The following SCHIP1 variants were observed in gnomAD, a reference collection of about 807,000 sequenced individuals.
SCHIP1 encodes schwannomin interacting protein 1, also known as schwannomin-interacting protein 1.
SCHIP1 carries 8 observed loss-of-function variants against 29.7 expected under a neutral mutation model. The observed-to-expected ratio is 0.27, with a 90% CI of 0.16 to 0.49. The LOEUF is 0.49. Among genes scored for constraint, SCHIP1 ranks in the 20% least tolerant of loss-of-function variants. The pLI is 0.99. For missense variants in SCHIP1, 193 were observed against 294.6 expected (o/e 0.66, Z 2.52); for synonymous variants, 76 against 94.9 (o/e 0.80, Z 1.16).
intron 5 of SCHIP1, among the ~76,000 whole-genome samples, chr3:159,889,281 T>C (rs1200117593): frequency 2.0e-5 from 3 of 152,252 alleles, no homozygotes; most frequent in Admixed American, 6.5e-5. Flanking sequence ...GTATACTTTC[T>C]ACTTTAGTTG....
chr3:159,814,228 A>G, the SCHIP1 span, among the ~76,000 whole-genome samples: 2 of 152,170 alleles, frequency 1.3e-5, no homozygotes, highest in African/African-American at 4.8e-5. Flanking sequence ...GCTTGGATCC[A>G]CTTTGAACGC....
At chr3:159,820,260 G>A in the SCHIP1 span, among the ~76,000 whole-genome samples, 1 of 152,100 alleles carries the variant, frequency 6.6e-6, no homozygotes, top group Non-Finnish European at 1.5e-5. Flanking sequence ...GGGTAAAGGA[G>A]CAGAACCAAT....
chr3:159,844,303 C>T (rs551792541), intron 1 of SCHIP1, among the ~76,000 whole-genome samples: 4 of 152,138 alleles, frequency 2.6e-5, no homozygotes, highest in Admixed American at 6.5e-5. Flanking sequence ...AGCCTGAACA[C>T]CCCTGTTTGA....
Position 159,850,285 on chromosome 3 carries a change from G to A in SCHIP1, c.30+10071G>A, listed in dbSNP as rs141547222. Among the ~76,000 whole-genome samples the A allele has an allele frequency of 1.7e-3, 257 of 152,230 alleles. 1 individual carries two copies. The highest frequency in any genetic ancestry group is 6.0e-3 in the African/African-American group (248 of 41,540). Reference sequence around the variant, plus strand: ...ATAGAAATACCTGGCCAGGCATGGTGGCTTACACCTGTAATCCCAGCATTT... The same window carrying A: ...ATAGAAATACCTGGCCAGGCATGGTAGCTTACACCTGTAATCCCAGCATTT... On this transcript the variant is annotated intron_variant, in intron 1 of 6. Transcript: ENST00000445224.
At chr3:159,525,385 C>CTGAA in the SCHIP1 span, among the ~76,000 whole-genome samples, 10 of 152,272 alleles carry the variant, frequency 6.6e-5, no homozygotes, top group South Asian at 2.1e-4. Context: ...TAAATATTTG[C>CTGAA]TGAATGAATG....
the SCHIP1 span, chr3:159,273,665 C>T: frequency 7.3e-7 from 1 of 1,368,014 alleles, no homozygotes; most frequent in East Asian, 2.7e-5. Flanking sequence ...GGTTGATAAC[C>T]GAAGGGCAAA....
chr3:159,734,969 C>G, the SCHIP1 span, among the ~76,000 whole-genome samples: 1 of 152,094 alleles, frequency 6.6e-6, no homozygotes, highest in Admixed American at 6.5e-5. Context: ...CATTCCTAAT[C>G]ATCAACCAGT....
the SCHIP1 span, among the ~76,000 whole-genome samples, chr3:159,801,735 A>G: frequency 4.4e-4 from 67 of 152,264 alleles, 1 homozygote; most frequent in East Asian, 0.012. Flanking sequence ...ATATTTCTAT[A>G]TACCTTACAA....
At chr3:159,504,744 G>A in the SCHIP1 span, among the ~76,000 whole-genome samples, 10 of 152,088 alleles carry the variant, frequency 6.6e-5, no homozygotes, top group East Asian at 1.9e-3. Flanking sequence ...TTTTTACTGA[G>A]TACCAATCAT....
the SCHIP1 span, among the ~76,000 whole-genome samples, chr3:159,641,918 CTT>C: frequency 5.8e-4 from 88 of 152,258 alleles, 1 homozygote; most frequent in African/African-American, 2.0e-3. Context: ...ATTTTCATCA[CTT>C]TTGATCCAAC....
At chr3:159,774,684 G>A in the SCHIP1 span, among the ~76,000 whole-genome samples, 2 of 152,152 alleles carry the variant, frequency 1.3e-5, no homozygotes, top group African/African-American at 2.4e-5. Context: ...TCAGCCCCAG[G>A]TTGATAGTTT....
chr3:159,680,961 T>A, the SCHIP1 span, among the ~76,000 whole-genome samples: 10 of 151,516 alleles, frequency 6.6e-5, no homozygotes, highest in Admixed American at 6.6e-4. Flanking sequence ...TACATATGCT[T>A]CGAATATCAA....
the SCHIP1 span, among the ~76,000 whole-genome samples, chr3:159,690,562 A>AT: frequency 1.4e-4 from 21 of 151,978 alleles, no homozygotes; most frequent in Non-Finnish European, 4.4e-5. Flanking sequence ...GGATTCATTG[A>AT]TTTTTTGAAG....
the SCHIP1 span, among the ~76,000 whole-genome samples, chr3:159,552,149 C>T: frequency 4.6e-5 from 7 of 151,118 alleles, no homozygotes; most frequent in Admixed American, 4.6e-4. Flanking sequence ...AGAGATTCTC[C>T]TGCCTCAGCC....
the SCHIP1 span, among the ~76,000 whole-genome samples, chr3:159,494,267 G>C: frequency 6.6e-6 from 1 of 152,070 alleles, no homozygotes; most frequent in Non-Finnish European, 1.5e-5. Flanking sequence ...CAGAACTGAA[G>C]GAAATAGAGA....
At chr3:159,440,682 C>T in the SCHIP1 span, among the ~76,000 whole-genome samples, 1 of 151,992 alleles carries the variant, frequency 6.6e-6, no homozygotes, top group African/African-American at 2.4e-5. Context: ...CCCCAGTAGG[C>T]TATGGCCATA....
At chr3:159,458,222 CT>C in the SCHIP1 span, among the ~76,000 whole-genome samples, 2 of 152,182 alleles carry the variant, frequency 1.3e-5, no homozygotes, top group African/African-American at 4.8e-5. Context: ...AATGACAACC[CT>C]TCTGTCCTCC....
chr3:159,554,588 T>G, the SCHIP1 span, among the ~76,000 whole-genome samples: 2 of 152,176 alleles, frequency 1.3e-5, no homozygotes. Flanking sequence ...CCTCTCACCA[T>G]GCTTTGATAG....
chr3:159,472,530 G>A, the SCHIP1 span, among the ~76,000 whole-genome samples: 1 of 152,146 alleles, frequency 6.6e-6, no homozygotes, highest in Non-Finnish European at 1.5e-5. Flanking sequence ...AATCAGAGAA[G>A]CTGATGTAAT....
Sources: gnomAD v4.1 joint callset for allele counts (sites outside exome capture counted in the v4.1 genomes callset) on GRCh38, gnomAD v4.1.1 for gene constraint, MANE v1.5 for transcripts, NCBI Gene and HGNC (gene_info 2026-07-23, HGNC 2026-07-21) for gene names.